Variants in LRRTM4 observed in about 807,000 individuals in gnomAD.
LRRTM4 encodes the protein leucine rich repeat transmembrane neuronal 4.
LRRTM4 carries 25 observed loss-of-function variants against 47.6 expected under a neutral mutation model. The ratio of observed to expected loss-of-function variants is 0.53; its 90% CI spans 0.38 to 0.73. LRRTM4 has a LOEUF of 0.73. LRRTM4 is among the 30% of genes least tolerant of loss of function. LRRTM4 has a pLI of 0.00. For synonymous variants in LRRTM4, 311 were observed against 269.5 expected (o/e 1.15, Z -1.51); for missense variants, 638 against 713.4 (o/e 0.89, Z 1.20).
intron 3 of LRRTM4, among the ~76,000 whole-genome samples, chr2:77,083,985 T>C (rs376166857): frequency 6.6e-6 from 1 of 151,634 alleles, no homozygotes; most frequent in Non-Finnish European, 1.5e-5. Context: ...TTTTATATTT[T>C]TAGTAGAGAC....
At chr2:76,780,546 C>T (rs141309569) in intron 3 of LRRTM4, among the ~76,000 whole-genome samples, 40,463 of 151,640 alleles carry the variant, frequency 0.27, 6,046 homozygotes, top group Non-Finnish European at 0.33. Context: ...TCCAGTTGAT[C>T]GCATCGGCTC....
intron 3 of LRRTM4, among the ~76,000 whole-genome samples, chr2:76,941,560 C>T (rs547668124): frequency 4.0e-5 from 6 of 151,598 alleles, no homozygotes; most frequent in Non-Finnish European, 5.9e-5. Context: ...TGAGAACATG[C>T]GATTTTTGGT....
intron 3 of LRRTM4, among the ~76,000 whole-genome samples, chr2:76,961,547 A>T (rs1675861022): frequency 6.6e-6 from 1 of 151,402 alleles, no homozygotes; most frequent in Admixed American, 6.6e-5. Flanking sequence ...ATGGTGAGAA[A>T]AGAAGCATCC....
intron 3 of LRRTM4, among the ~76,000 whole-genome samples, chr2:76,931,229 C>T (rs1219453134): frequency 2.0e-5 from 3 of 152,006 alleles, no homozygotes; most frequent in South Asian, 4.1e-4. Flanking sequence ...ATCAAATAAA[C>T]AAGAAAGTCA....
In LRRTM4 at chr2:77,269,471, C is replaced by T. The variant is rs183411281; in HGVS notation, c.1551+248847G>A. On this transcript the variant is annotated intron_variant, in intron 3 of 3. Transcript: ENST00000409884. ...AATTAACACATTGCATTGTTAATGA[C>T]AAATATTCACTGATTTAACACAATA... Among the ~76,000 whole-genome samples the T allele has an allele frequency of 3.5e-3, 528 of 152,164 alleles. 7 individuals are homozygous for T. The highest frequency in any genetic ancestry group is 0.011 in the African/African-American group (464 of 41,536).
intron 3 of LRRTM4, among the ~76,000 whole-genome samples, chr2:76,996,512 T>G (rs1351636662): frequency 6.6e-6 from 1 of 151,664 alleles, no homozygotes; most frequent in Non-Finnish European, 1.5e-5. Flanking sequence ...AATAATTGTA[T>G]AAGATCAAGT....
intron 3 of LRRTM4, among the ~76,000 whole-genome samples, chr2:77,034,165 T>C (rs1678759131): frequency 1.3e-5 from 2 of 151,996 alleles, no homozygotes; most frequent in South Asian, 4.1e-4. Context: ...AAAATTTTCA[T>C]TATAGAATCC....
chr2:77,009,417 C>G (rs534434594), intron 3 of LRRTM4: 1 of 152,086 alleles, frequency 6.6e-6, no homozygotes, highest in African/African-American at 2.4e-5. Flanking sequence ...AAAGCGATTA[C>G]AAGCATGATT....
chr2:77,225,427 A>AG (rs1674778271), intron 3 of LRRTM4, among the ~76,000 whole-genome samples: 1 of 151,812 alleles, frequency 6.6e-6, no homozygotes, highest in Admixed American at 6.6e-5. Flanking sequence ...ATTGTGAGAA[A>AG]AAAAAAAAAC....
chr2:77,414,210 T>C (rs544147521), intron 3 of LRRTM4, among the ~76,000 whole-genome samples: 1 of 152,236 alleles, frequency 6.6e-6, no homozygotes, highest in East Asian at 1.9e-4. Context: ...TTAACCTTCC[T>C]TTCATTCAAC....
intron 3 of LRRTM4, among the ~76,000 whole-genome samples, chr2:77,498,620 C>T (rs1678453133): frequency 6.6e-6 from 1 of 151,642 alleles, no homozygotes; most frequent in Non-Finnish European, 1.5e-5. Flanking sequence ...TATGTGTTTC[C>T]CAAACCCAAT....
chr2:77,049,666 G>A (rs940647769), intron 3 of LRRTM4, among the ~76,000 whole-genome samples: 2 of 150,982 alleles, frequency 1.3e-5, no homozygotes, highest in Admixed American at 1.3e-4. Context: ...ACTTGCTTGA[G>A]TTTCTTATTT....
chr2:77,036,852 G>C (rs1406410451), intron 3 of LRRTM4, among the ~76,000 whole-genome samples: 2 of 151,614 alleles, frequency 1.3e-5, no homozygotes, highest in East Asian at 1.9e-4. Flanking sequence ...ACCCAACTTA[G>C]GGATTTCTTA....
chr2:76,961,580 A>G (rs17013458), intron 3 of LRRTM4, among the ~76,000 whole-genome samples: 13,200 of 151,382 alleles, frequency 0.087, 925 homozygotes, highest in East Asian at 0.38. Context: ...GCACTTAAAC[A>G]GAGAGACCTA....
intron 3 of LRRTM4, among the ~76,000 whole-genome samples, chr2:77,254,915 G>T (rs62160522): frequency 6.9e-6 from 1 of 145,972 alleles, no homozygotes; most frequent in Non-Finnish European, 1.5e-5. Flanking sequence ...AAAAAAAAAG[G>T]ACAGTCATAA....
chr2:76,785,570 T>C (rs1674630348), intron 3 of LRRTM4, among the ~76,000 whole-genome samples: 1 of 152,084 alleles, frequency 6.6e-6, no homozygotes, highest in Admixed American at 6.6e-5. Flanking sequence ...TGTTTAGATT[T>C]TCTCCTAGTA....
intron 3 of LRRTM4, among the ~76,000 whole-genome samples, chr2:76,812,558 AT>A (rs1210472672): frequency 4.6e-5 from 7 of 152,160 alleles, no homozygotes; most frequent in Non-Finnish European, 7.4e-5. Flanking sequence ...CATGGGTTTG[AT>A]AAGAGCCTGT....
At chr2:76,973,428 A>T (rs754988375) in intron 3 of LRRTM4, among the ~76,000 whole-genome samples, 1 of 151,996 alleles carries the variant, frequency 6.6e-6, no homozygotes, top group Non-Finnish European at 1.5e-5. Flanking sequence ...CTGCTGCATA[A>T]TTTAGAAAAT....
At chr2:77,170,654 T>A (rs2103832550) in intron 3 of LRRTM4, among the ~76,000 whole-genome samples, 1 of 152,296 alleles carries the variant, frequency 6.6e-6, no homozygotes, top group Admixed American at 6.5e-5. Flanking sequence ...TTCTGGCAGA[T>A]ATTTGGCAGA....
Sources: allele counts gnomAD v4.1 joint callset (sites outside exome capture counted in the v4.1 genomes callset), GRCh38; gene constraint gnomAD v4.1.1; transcripts MANE v1.5; gene names NCBI Gene and HGNC (gene_info 2026-07-23, HGNC 2026-07-21).